Variants in NCOR1 observed in about 807,000 individuals in gnomAD.
The protein encoded by NCOR1 is protein phosphatase 1, regulatory subunit 109.
In NCOR1, 63 loss-of-function variants were observed where a neutral mutation model predicts 288.1. The ratio of observed to expected loss-of-function variants is 0.22; its 90% CI spans 0.18 to 0.27. The LOEUF is 0.27. Among genes scored for constraint, NCOR1 ranks in the 10% least tolerant of loss-of-function variants. NCOR1 has a pLI of 1.00. For missense variants in NCOR1, 2,397 were observed against 3,019.2 expected (o/e 0.79, Z 4.83); for synonymous variants, 1,007 against 1,065.9 (o/e 0.94, Z 1.08).
chr17:16,094,596 G>C (rs2066008007), intron 21 of NCOR1, among the ~76,000 whole-genome samples: 1 of 151,734 alleles, frequency 6.6e-6, no homozygotes, highest in Admixed American at 6.6e-5. Context: ...CCCTTTCCAT[G>C]GTCTCCCTCT....
chr17:16,071,017 A>G (rs1466635103), intron 30 of NCOR1, among the ~76,000 whole-genome samples: 2 of 152,122 alleles, frequency 1.3e-5, no homozygotes, highest in Non-Finnish European at 2.9e-5. Flanking sequence ...ACAGTGGCTC[A>G]CGCCTGTGAT....
chr17:16,091,721 A>G (rs1213375974), intron 22 of NCOR1, 142 bp downstream of exon 22: 7 of 1,484,378 alleles, frequency 4.7e-6, no homozygotes, highest in Non-Finnish European at 6.3e-6. Flanking sequence ...TTTAAGGTCA[A>G]TTTAAGGAAC....
At chr17:16,190,517 A>C (rs1157777192) in intron 2 of NCOR1, among the ~76,000 whole-genome samples, 2 of 139,192 alleles carry the variant, frequency 1.4e-5, no homozygotes. Flanking sequence ...TTTTTTTTGT[A>C]TTTTTAGTAG....
chr17:16,114,592 T>C (rs1263252534), intron 18 of NCOR1, among the ~76,000 whole-genome samples: 1 of 152,146 alleles, frequency 6.6e-6, no homozygotes, highest in East Asian at 1.9e-4. Context: ...AATACAGCTG[T>C]TCCAAGTGGG....
At chr17:16,074,027 T>C (rs1414073863) in intron 27 of NCOR1, among the ~76,000 whole-genome samples, 1 of 152,116 alleles carries the variant, frequency 6.6e-6, no homozygotes, top group Non-Finnish European at 1.5e-5. Flanking sequence ...GTACAGGCAG[T>C]GTGAACAGTG....
At chr17:16,098,048 G>GT (rs1224735507) in intron 21 of NCOR1, among the ~76,000 whole-genome samples, 1 of 152,204 alleles carries the variant, frequency 6.6e-6, no homozygotes, top group African/African-American at 2.4e-5. Flanking sequence ...TATCTAAACT[G>GT]TGTGTTAAAT....
chr17:16,108,868 T>A lies in NCOR1; in HGVS notation c.2100A>T (p.Glu700Asp), dbSNP rs2153056014. The A allele has an allele frequency of 4.4e-6, 7 of 1,607,606 alleles. No homozygotes were observed. The highest frequency in any genetic ancestry group is 5.1e-6 in the Non-Finnish European group (6 of 1,176,102). The change falls in exon 19 of 46, where the codon GAA becomes GAT. Residue 700 changes from glutamate to aspartate, a missense_variant. Physicochemically the swap from Glu to Asp is conservative, Grantham distance 45. This residue lies in a region of NCOR1 where 1,872 missense variants were observed against 2,187.8 expected (regional missense o/e 0.86). Transcript: ENST00000268712. ...PREERDVSQC[E>D]SVASTVSAQE... ...GAGCAGAAACAGTGGAAGCGACACTTTCACATTGAGACACATCTCGCTCTT... is the reference window on the plus strand; with the variant it reads ...GAGCAGAAACAGTGGAAGCGACACTATCACATTGAGACACATCTCGCTCTT...
intron 4 of NCOR1, among the ~76,000 whole-genome samples, chr17:16,169,485 T>C (rs1449060795): frequency 6.6e-6 from 1 of 152,164 alleles, no homozygotes; most frequent in East Asian, 1.9e-4. Context: ...TCTTTTTAAA[T>C]CCTTACTTCT....
intron 40 of NCOR1, among the ~76,000 whole-genome samples, chr17:16,056,330 T>TTTTTTTTC (rs2059919624): frequency 6.7e-6 from 1 of 149,198 alleles, no homozygotes; most frequent in African/African-American, 2.5e-5. Context: ...TTTTTTTTTT[T>TTTTTTTTC]GAGACGGAGT....
chr17:16,152,128 A>G (rs1217030725), intron 7 of NCOR1, 130 bp from the exon 8 acceptor site: 1 of 542,154 alleles, frequency 1.8e-6, no homozygotes, highest in East Asian at 3.2e-5. Context: ...CCCTACCAAA[A>G]CCTCCAAACT....
chr17:16,046,406 A>G (rs151041245), intron 42 of NCOR1, among the ~76,000 whole-genome samples: 33 of 152,334 alleles, frequency 2.2e-4, no homozygotes, highest in African/African-American at 7.7e-4. Context: ...AAAAATGATG[A>G]ATTTAGCATA....
At chr17:16,204,619 T>C (rs2091264855) in intron 1 of NCOR1, among the ~76,000 whole-genome samples, 1 of 152,226 alleles carries the variant, frequency 6.6e-6, no homozygotes, top group Non-Finnish European at 1.5e-5. Flanking sequence ...TTTGTTTTTC[T>C]AGTTTAGTAG....
intron 32 of NCOR1, among the ~76,000 whole-genome samples, chr17:16,067,185 A>T (rs2061225547): frequency 6.6e-6 from 1 of 152,262 alleles, no homozygotes; most frequent in African/African-American, 2.4e-5. Flanking sequence ...AGAAACCTGC[A>T]CATCTGCACC....
intron 15 of NCOR1, among the ~76,000 whole-genome samples, chr17:16,124,047 A>G (rs10852833): frequency 0.42 from 63,469 of 152,010 alleles, 15,109 homozygotes; most frequent in Middle Eastern, 0.56. Context: ...TACATGGCCC[A>G]AAAAATGTTT....
intron 4 of NCOR1, among the ~76,000 whole-genome samples, chr17:16,166,320 T>A (rs902808391): frequency 2.6e-5 from 4 of 152,188 alleles, no homozygotes; most frequent in African/African-American, 9.7e-5. Context: ...AGTTTATGAT[T>A]CCTCTCTTAA....
intron 14 of NCOR1, 80 bp from the exon 15 acceptor site, chr17:16,126,286 TA>T (rs2153191347): frequency 7.4e-7 from 1 of 1,359,918 alleles, no homozygotes; most frequent in Non-Finnish European, 9.7e-7. Context: ...TATGTCTATC[TA>T]AAAAAATTTT....
chr17:16,132,048 A>C (rs2075728034), intron 14 of NCOR1, among the ~76,000 whole-genome samples: 1 of 152,220 alleles, frequency 6.6e-6, no homozygotes, highest in Non-Finnish European at 1.5e-5. Context: ...TGTCTAAAAT[A>C]ATCTTTCTAT....
chr17:16,087,349 T>C, intron 22 of NCOR1: 1 of 1,303,592 alleles, frequency 7.7e-7, no homozygotes, highest in Non-Finnish European at 1.0e-6. Context: ...GATTTTCCTA[T>C]GAAAGTTAAA....
chr17:16,099,461 T>C (rs1314725451), intron 20 of NCOR1, among the ~76,000 whole-genome samples: 1 of 152,222 alleles, frequency 6.6e-6, no homozygotes. Flanking sequence ...AAAGTGTTAT[T>C]TCGGTCATTT....
Sources: allele counts gnomAD v4.1 joint callset (sites outside exome capture counted in the v4.1 genomes callset), GRCh38; gene constraint gnomAD v4.1.1; regional missense constraint gnomAD v4.1.1; transcripts MANE v1.5; gene names NCBI Gene and HGNC (gene_info 2026-07-23, HGNC 2026-07-21).